Variants in KIAA1217 observed in about 807,000 individuals in gnomAD.
KIAA1217 encodes the protein KIAA1217.
In KIAA1217, 88 loss-of-function variants were observed where a neutral mutation model predicts 163.9. That is an observed-to-expected ratio of 0.54 (90% CI 0.45 to 0.64). KIAA1217 has a LOEUF of 0.64. Among genes scored for constraint, KIAA1217 ranks in the 30% least tolerant of loss-of-function variants. KIAA1217 has a pLI of 0.00. For synonymous variants in KIAA1217, 903 were observed against 923.1 expected, an observed-to-expected ratio of 0.98 and a Z score of 0.39; for missense variants, 2,372 against 2,475.0, an observed-to-expected ratio of 0.96 and a Z score of 0.88.
chr10:24,049,062 A>G (rs974241797), intron 2 of KIAA1217, among the ~76,000 whole-genome samples: 4 of 148,382 alleles, frequency 2.7e-5, no homozygotes, highest in African/African-American at 1.0e-4. Flanking sequence ...AAATTATCCC[A>G]CCTACTAATG....
intron 1 of KIAA1217, among the ~76,000 whole-genome samples, chr10:23,897,399 T>C (rs747982097): frequency 2.0e-5 from 3 of 152,130 alleles, no homozygotes; most frequent in Non-Finnish European, 4.4e-5. Flanking sequence ...TCCTTTGCCC[T>C]GTCTCTCTGC....
At chr10:23,866,406 A>G (rs1024487516) in intron 1 of KIAA1217, among the ~76,000 whole-genome samples, 1 of 152,166 alleles carries the variant, frequency 6.6e-6, no homozygotes, top group Non-Finnish European at 1.5e-5. Context: ...AAAATTTTGT[A>G]TTTTAGCAAC....
intron 2 of KIAA1217, among the ~76,000 whole-genome samples, chr10:24,303,151 C>T (rs952264333): frequency 6.6e-6 from 1 of 151,982 alleles, no homozygotes; most frequent in East Asian, 1.9e-4. Flanking sequence ...GTAGCTGGGA[C>T]TGCAGGTGCA....
intron 1 of KIAA1217, among the ~76,000 whole-genome samples, chr10:23,971,480 G>T (rs1845315812): frequency 6.6e-6 from 1 of 152,114 alleles, no homozygotes; most frequent in African/African-American, 2.4e-5. Flanking sequence ...AACCTCCTCT[G>T]CCCTGTTCAT....
At chr10:24,133,212 G>A (rs749093053) in intron 2 of KIAA1217, among the ~76,000 whole-genome samples, 5 of 152,046 alleles carry the variant, frequency 3.3e-5, no homozygotes, top group South Asian at 2.1e-4. Context: ...TGAGGAACCC[G>A]CACAAAGTAG....
At chr10:24,265,355 C>A (rs1029076861) in intron 2 of KIAA1217, among the ~76,000 whole-genome samples, 24 of 152,192 alleles carry the variant, frequency 1.6e-4, no homozygotes, top group African/African-American at 5.5e-4. Context: ...CCTTTGGAGA[C>A]TATTTTGACA....
At chr10:24,381,516 C>A (rs561845142) in intron 3 of KIAA1217, among the ~76,000 whole-genome samples, 1 of 152,234 alleles carries the variant, frequency 6.6e-6, no homozygotes, top group East Asian at 1.9e-4. Flanking sequence ...GGAGCTGAAC[C>A]CTATTATGAA....
At chr10:23,784,977 T>C (rs1038489464) in intron 1 of KIAA1217, among the ~76,000 whole-genome samples, 1 of 152,190 alleles carries the variant, frequency 6.6e-6, no homozygotes, top group Non-Finnish European at 1.5e-5. Context: ...ATCTCTGGGC[T>C]TACTTCCTTT....
chr10:24,144,998 G>A (rs2064242941), intron 2 of KIAA1217, among the ~76,000 whole-genome samples: 2 of 152,180 alleles, frequency 1.3e-5, no homozygotes, highest in Admixed American at 1.3e-4. Context: ...ATTTATTTGA[G>A]TTAATGATTA....
intron 2 of KIAA1217, among the ~76,000 whole-genome samples, chr10:24,350,252 C>A (rs898598075): frequency 3.3e-5 from 5 of 152,278 alleles, no homozygotes; most frequent in South Asian, 4.2e-4. Context: ...TGACCTGGCT[C>A]CCCAACAATT....
intron 1 of KIAA1217, among the ~76,000 whole-genome samples, chr10:23,936,120 C>T (rs952099266): frequency 6.6e-6 from 1 of 152,148 alleles, no homozygotes; most frequent in Non-Finnish European, 1.5e-5. Context: ...CACTGGGAGC[C>T]ACCTCACAGG....
intron 19 of KIAA1217, 90 bp downstream of exon 19, chr10:24,544,571 T>C: frequency 6.9e-7 from 1 of 1,458,698 alleles, no homozygotes; most frequent in Admixed American, 2.5e-5. Flanking sequence ...TGTAACTTAA[T>C]TGCTTTCTTT....
Position 24,088,422 on chromosome 10 carries a change from T to A in KIAA1217, c.-171+81048T>A, listed in dbSNP as rs1345740925. Among the ~76,000 whole-genome samples the A allele has an allele frequency of 1.0e-3, 117 of 114,696 alleles. 36 individuals carry two copies. The highest frequency in any genetic ancestry group is 2.2e-3 in the Non-Finnish European group (101 of 45,814). 75.2% of individuals were successfully genotyped at this position (114,696 alleles called of 152,430 possible). ...TAACTCGTCATTTACATTAGGTATA[T>A]CTCCTAATGCTATCCCTCCCCCCTC... is the stretch of plus-strand genomic sequence containing the variant. On this transcript the variant is annotated intron_variant, in intron 2 of 18. Coordinates refer to the KIAA1217 transcript ENST00000376462.
rs1238042529 is a variant in KIAA1217 at position 24,112,751 on chromosome 10, A to AT, written c.-171+105385dup. ...AGGCGCTCGCCCCCATGCCCGGCCA[A>AT]TTTTTTTTGTTTTTTTAGTAGAGAC... On this transcript the variant is annotated intron_variant, in intron 2 of 18. Coordinates refer to the KIAA1217 transcript ENST00000376462. Among the ~76,000 whole-genome samples, 3 of 150,914 alleles carry AT rather than the reference A, an allele frequency of 2.0e-5. No individual in the cohort carries two copies. The East Asian group carries it at 5.8e-4, about 29-fold the overall frequency.
rs148437845 is a variant in KIAA1217, at chr10:23,836,660, C to T, written c.-321+141426C>T. Among the ~76,000 whole-genome samples the T allele has an allele frequency of 9.9e-3, 1,499 of 151,940 alleles. 27 individuals are homozygous for T. The highest frequency in any genetic ancestry group is 0.035 in the African/African-American group (1,432 of 41,428). ...ACATTTTAGGCCAGGCTCAGTTGCT[C>T]ATGCCTGTAATCCCAGCACTTTGGG... On this transcript the variant is annotated intron_variant, in intron 1 of 18. Coordinates refer to the KIAA1217 transcript ENST00000376462.
chr10:24,173,461 C>G (rs1006690606), intron 2 of KIAA1217, among the ~76,000 whole-genome samples: 5 of 152,066 alleles, frequency 3.3e-5, no homozygotes, highest in Admixed American at 2.0e-4. Flanking sequence ...CCCCCTGACC[C>G]TCGTCTGTGT....
chr10:23,917,602 T>A (rs900025332), intron 1 of KIAA1217, among the ~76,000 whole-genome samples: 1 of 152,172 alleles, frequency 6.6e-6, no homozygotes, highest in Admixed American at 6.5e-5. Flanking sequence ...AGTTTTAGTT[T>A]GGAGATGTCA....
chr10:24,158,623 C>T, intron 2 of KIAA1217: 1 of 509,940 alleles, frequency 2.0e-6, no homozygotes, highest in Admixed American at 2.1e-5. Flanking sequence ...CGCCTTTACA[C>T]CACCAATCAA....
intron 2 of KIAA1217, among the ~76,000 whole-genome samples, chr10:24,234,656 C>CAAA (rs71397938): frequency 1.4e-3 from 104 of 72,720 alleles, no homozygotes; most frequent in South Asian, 2.4e-3. Flanking sequence ...AAAACTGTCT[C>CAAA]AAAAAAAAAA....
Sources: allele counts gnomAD v4.1 joint callset (sites outside exome capture counted in the v4.1 genomes callset), GRCh38; gene constraint gnomAD v4.1.1; transcripts MANE v1.5; gene names NCBI Gene and HGNC (gene_info 2026-07-23, HGNC 2026-07-21).